The following ALMS1 variants were observed in gnomAD, a reference collection of about 807,000 sequenced individuals.
The protein encoded by ALMS1 is ALMS1 centrosome and basal body associated protein, also known as centrosome-associated protein ALMS1.
ALMS1 carries 271 observed loss-of-function variants against 352.2 expected under a neutral mutation model. That is an observed-to-expected ratio of 0.77 (90% CI 0.70 to 0.85). ALMS1 has a LOEUF of 0.85. Ranked by LOEUF, ALMS1 falls within the 40% of genes least tolerant of loss-of-function variation. The pLI, the probability that ALMS1 is intolerant of heterozygous loss-of-function variation, is 0.00. For missense variants in ALMS1, 5,445 were observed against 4,870.7 expected, an observed-to-expected ratio of 1.12 and a Z score of -3.51; for synonymous variants, 1,865 against 1,761.2, an observed-to-expected ratio of 1.06 and a Z score of -1.48.
intron 12 of ALMS1, among the ~76,000 whole-genome samples, chr2:73,537,843 C>G (rs1472190518): frequency 6.6e-6 from 1 of 151,934 alleles, no homozygotes; most frequent in Non-Finnish European, 1.5e-5. Flanking sequence ...CCTGTCTCTA[C>G]AAAAAATTAA....
At chr2:73,547,397 C>A (rs2104026937) in intron 12 of ALMS1, among the ~76,000 whole-genome samples, 1 of 152,246 alleles carries the variant, frequency 6.6e-6, no homozygotes, top group Non-Finnish European at 1.5e-5. Flanking sequence ...GGGTGACTGG[C>A]CCCTTTTTCA....
Position 73,511,223 on chromosome 2 carries a change from C to T in ALMS1, c.9540-8552C>T, listed in dbSNP as rs148166156. Among the ~76,000 whole-genome samples the T allele has an allele frequency of 7.9e-5, 12 of 151,872 alleles. No individual in the cohort carries two copies. In the East Asian group the frequency reaches 2.3e-3, roughly 30 times the overall value. On this transcript the variant is annotated intron_variant, in intron 10 of 22. Transcript: ENST00000613296. ...TTCTGTCTTGCTGGCATTCCAGGCG[C>T]CACTGGAGTATGAAAAGAAAACTCC...
At chr2:73,446,095 T>G (rs573539919) in intron 7 of ALMS1, among the ~76,000 whole-genome samples, 1 of 152,294 alleles carries the variant, frequency 6.6e-6, no homozygotes, top group South Asian at 2.1e-4. Context: ...AATTCTTCTT[T>G]AACATCGTGC....
chr2:73,498,667 T>C (rs1558670299), intron 10 of ALMS1, among the ~76,000 whole-genome samples: 1 of 152,158 alleles, frequency 6.6e-6, no homozygotes, highest in African/African-American at 2.4e-5. Context: ...CAACATGCAG[T>C]GTTTGTCTTT....
At chr2:73,435,427 A>G (rs1329072999) in intron 7 of ALMS1, among the ~76,000 whole-genome samples, 6 of 151,500 alleles carry the variant, frequency 4.0e-5, no homozygotes, top group Non-Finnish European at 1.5e-5. Context: ...ATTCTTAGTG[A>G]TTACTCTGGG....
At chr2:73,543,518 G>C (rs1399715143) in intron 12 of ALMS1, among the ~76,000 whole-genome samples, 1 of 152,116 alleles carries the variant, frequency 6.6e-6, no homozygotes, top group Non-Finnish European at 1.5e-5. Flanking sequence ...TGACAAATGG[G>C]ATCTAATTAA....
intron 12 of ALMS1, among the ~76,000 whole-genome samples, chr2:73,548,445 A>G (rs570992260): frequency 6.6e-6 from 1 of 152,134 alleles, no homozygotes; most frequent in Admixed American, 6.5e-5. Flanking sequence ...TCTGAGGTTG[A>G]TTCTCTTGCT....
chr2:73,480,334 T>C (rs891672248), intron 9 of ALMS1, among the ~76,000 whole-genome samples: 1 of 152,150 alleles, frequency 6.6e-6, no homozygotes, highest in Non-Finnish European at 1.5e-5. Flanking sequence ...GTGTTTGCTT[T>C]TTGTTCTTGC....
At chr2:73,506,158 G>C (rs1673315826) in intron 10 of ALMS1, among the ~76,000 whole-genome samples, 1 of 152,048 alleles carries the variant, frequency 6.6e-6, no homozygotes, top group South Asian at 2.1e-4. Flanking sequence ...TATCTGTTTT[G>C]GTACCAGTAC....
chr2:73,505,522 T>C (rs1046195403), intron 10 of ALMS1, among the ~76,000 whole-genome samples: 2 of 152,248 alleles, frequency 1.3e-5, no homozygotes, highest in Non-Finnish European at 2.9e-5. Flanking sequence ...TGTCTTCTTT[T>C]GAAAAGTGTC....
intron 11 of ALMS1, among the ~76,000 whole-genome samples, chr2:73,533,268 A>C (rs1482467485): frequency 6.6e-6 from 1 of 152,212 alleles, no homozygotes; most frequent in Non-Finnish European, 1.5e-5. Flanking sequence ...GCTGGCTCTG[A>C]TTCCAGCACA....
intron 3 of ALMS1, 41 bp downstream of exon 3, chr2:73,419,359 T>A: frequency 6.3e-7 from 1 of 1,591,494 alleles, no homozygotes; most frequent in Non-Finnish European, 8.6e-7. Context: ...TACCTCACAT[T>A]TGTAAGTTTT....
At chr2:73,562,270 A>G (rs1049493410) in intron 15 of ALMS1, among the ~76,000 whole-genome samples, 1 of 152,066 alleles carries the variant, frequency 6.6e-6, no homozygotes, top group Non-Finnish European at 1.5e-5. Flanking sequence ...GGCTCAAGTG[A>G]TCTTCCCACC....
chr2:73,470,136 C>T (rs1280354303), intron 9 of ALMS1: 1 of 151,434 alleles, frequency 6.6e-6, no homozygotes, highest in Non-Finnish European at 1.5e-5. Context: ...TTGTTTTTAC[C>T]TTTTCAAAAA....
At chr2:73,527,516 G>A (rs996840329) in intron 11 of ALMS1, among the ~76,000 whole-genome samples, 4 of 151,790 alleles carry the variant, frequency 2.6e-5, no homozygotes, top group African/African-American at 9.7e-5. Context: ...CTAGGAATTT[G>A]TCCATTTTTT....
chr2:73,475,143 G>T (rs1001364315), intron 9 of ALMS1, among the ~76,000 whole-genome samples: 1 of 152,144 alleles, frequency 6.6e-6, no homozygotes, highest in East Asian at 1.9e-4. Flanking sequence ...CTCATTAGTT[G>T]GTAGACATTT....
chr2:73,437,000 T>G (rs758966444), intron 7 of ALMS1, among the ~76,000 whole-genome samples: 4 of 152,220 alleles, frequency 2.6e-5, no homozygotes, highest in Non-Finnish European at 5.9e-5. Context: ...GTTGCAGCTC[T>G]GGATATTGAT....
rs1672945284 is a variant in ALMS1, at chr2:73,490,126, T to A, written c.8167T>A (p.Ser2723Thr). The change falls in exon 10 of 23, where the codon TCT becomes ACT. Residue 2723 changes from serine (S) to threonine (T), a missense_variant. Ser to Thr is a moderately conservative substitution (Grantham distance 58). Transcript: ENST00000613296. ...CATCACTTTTTCATCTCACCGACATTCTAAATGCATTTCCAATTCCTCTGT... is the reference window on the plus strand; with the variant it reads ...CATCACTTTTTCATCTCACCGACATACTAAATGCATTTCCAATTCCTCTGT... The part of the protein sequence containing the change: ...TSITFSSHRH[S>T]KCISNSSVVK... 1 of 1,614,034 alleles carries A rather than the reference T, an allele frequency of 6.2e-7. No homozygotes were observed. The highest frequency in any genetic ancestry group is 1.3e-5 in the African/African-American group (1 of 74,916).
At chr2:73,600,273 AAAAT>A (rs1675647947) in intron 17 of ALMS1, among the ~76,000 whole-genome samples, 1 of 152,220 alleles carries the variant, frequency 6.6e-6, no homozygotes, top group South Asian at 2.1e-4. Flanking sequence ...TCATAAAATA[AAAAT>A]AAATAAACTT....
Sources: allele counts gnomAD v4.1 joint callset (sites outside exome capture counted in the v4.1 genomes callset), GRCh38; gene constraint gnomAD v4.1.1; transcripts MANE v1.5; gene names NCBI Gene and HGNC (gene_info 2026-07-23, HGNC 2026-07-21).